Variants in EPN2 observed in about 807,000 individuals in gnomAD.
EPN2 encodes the protein epsin-2.
In EPN2, 34 loss-of-function variants were observed where a neutral mutation model predicts 61.7. The ratio of observed to expected loss-of-function variants is 0.55; its 90% CI spans 0.42 to 0.73. The LOEUF (loss-of-function observed/expected upper bound fraction) is 0.73. Among genes scored for constraint, EPN2 ranks in the 30% least tolerant of loss-of-function variants. The pLI is 0.00. For synonymous variants in EPN2, 349 were observed against 353.6 expected (o/e 0.99, Z 0.15); for missense variants, 714 against 839.2 (o/e 0.85, Z 1.84).
intron 4 of EPN2, among the ~76,000 whole-genome samples, chr17:19,305,121 T>C (rs973317377): frequency 1.3e-5 from 2 of 150,878 alleles, no homozygotes; most frequent in Non-Finnish European, 1.5e-5. Context: ...ACTTTGGTTT[T>C]TTTTTTTTTT....
chr17:19,240,631 T>C (rs1234829777), intron 1 of EPN2, among the ~76,000 whole-genome samples: 1 of 152,214 alleles, frequency 6.6e-6, no homozygotes, highest in Non-Finnish European at 1.5e-5. Context: ...TTTTAACTCA[T>C]GTATTCGGTG....
chr17:19,316,126 C>G (rs1200740020), intron 7 of EPN2, among the ~76,000 whole-genome samples: 1 of 152,216 alleles, frequency 6.6e-6, no homozygotes, highest in African/African-American at 2.4e-5. Flanking sequence ...CTTCGTTTAA[C>G]CATTCAGCAA....
chr17:19,334,911 C>CT lies in EPN2; in HGVS notation c.*664dup. The stretch of plus-strand genomic sequence containing the variant: ...TGAGTTTGCAGAATTATCTAATAGT[C>CT]TTTTTTTGGCTAATATTTTTATAAC... On this transcript the variant is annotated 3_prime_UTR_variant, in exon 11 of 11. Transcript: ENST00000314728. The surrounding 1 kb of genome is among the most constrained non-coding windows in gnomAD (Gnocchi z 4.9). 1 of 154,006 alleles carries CT rather than the reference C, an allele frequency of 6.5e-6. No homozygotes were observed. 9.5% of individuals were successfully genotyped at this position (154,006 alleles called of 1,614,324 possible).
At position 19,283,806 on chromosome 17, in the gene EPN2, C is replaced by T; in HGVS notation, c.595+92C>T. 8.5e-6 allele frequency: 8 copies of T among 935,738 alleles called. No homozygotes were observed. Among genetic ancestry groups the T allele is most frequent in the South Asian group, 1.7e-5 (1 of 57,844 alleles). 58.0% of individuals were successfully genotyped at this position (935,738 alleles called of 1,614,324 possible). ...GTCTCTGGGCTTAGGGAGTGGTGGC[C>T]ACTGCAGAGCTCGAACCTGTCCTCA... On this transcript the variant is annotated intron_variant, in intron 3 of 10. Transcript: ENST00000314728. The surrounding 1 kb of genome is among the most constrained non-coding windows in gnomAD (Gnocchi z 7.0).
At chr17:19,262,593 A>G (rs1214401824) in intron 1 of EPN2, among the ~76,000 whole-genome samples, 1 of 151,756 alleles carries the variant, frequency 6.6e-6, no homozygotes, top group Non-Finnish European at 1.5e-5. Flanking sequence ...ATTACCCCCA[A>G]AAGCAACCCT....
At chr17:19,295,749 C>A (rs1427050663) in intron 4 of EPN2, among the ~76,000 whole-genome samples, 1 of 152,116 alleles carries the variant, frequency 6.6e-6, no homozygotes, top group East Asian at 1.9e-4. Context: ...TTTAAATCTC[C>A]CAAAATGTCC....
At chr17:19,238,497 G>T (rs537706992) in intron 1 of EPN2, among the ~76,000 whole-genome samples, 1 of 152,294 alleles carries the variant, frequency 6.6e-6, no homozygotes, top group Admixed American at 6.5e-5. Flanking sequence ...CCGTCTGGGC[G>T]ACTCCTTCAC....
At chr17:19,286,389 A>C (rs1935192448) in intron 4 of EPN2, among the ~76,000 whole-genome samples, 1 of 152,170 alleles carries the variant, frequency 6.6e-6, no homozygotes. Flanking sequence ...GAAGATACCT[A>C]ATTCAATGGG....
At chr17:19,246,683 A>C (rs753249642) in intron 1 of EPN2, among the ~76,000 whole-genome samples, 19 of 148,024 alleles carry the variant, frequency 1.3e-4, no homozygotes, top group South Asian at 2.2e-4. Flanking sequence ...CGCCCCCCCC[A>C]AAAAAATATC....
intron 6 of EPN2, among the ~76,000 whole-genome samples, chr17:19,312,607 C>T (rs2152232388): frequency 6.6e-6 from 1 of 152,350 alleles, no homozygotes; most frequent in South Asian, 2.1e-4. Context: ...CCTTCTACAC[C>T]ACAGGCCCCG....
chr17:19,252,106 T>G (rs912129869), intron 1 of EPN2, among the ~76,000 whole-genome samples: 25 of 152,094 alleles, frequency 1.6e-4, no homozygotes, highest in Admixed American at 1.3e-3. Flanking sequence ...TTTGGAACAT[T>G]TTGGATTTTG....
At chr17:19,279,196 G>C (rs1012122358) in intron 1 of EPN2, among the ~76,000 whole-genome samples, 1 of 152,180 alleles carries the variant, frequency 6.6e-6, no homozygotes, top group African/African-American at 2.4e-5. Context: ...ATTGTTTGGA[G>C]TTCCTTTCCC....
chr17:19,311,535 C>G (rs1370733377), intron 5 of EPN2, among the ~76,000 whole-genome samples: 2 of 151,796 alleles, frequency 1.3e-5, no homozygotes, highest in Non-Finnish European at 2.9e-5. Flanking sequence ...TTAGGACAAC[C>G]CTGTCTTTTG....
At chr17:19,302,400 C>T (rs1189662508) in intron 4 of EPN2, among the ~76,000 whole-genome samples, 2 of 152,370 alleles carry the variant, frequency 1.3e-5, no homozygotes, top group African/African-American at 2.4e-5. Flanking sequence ...TTTATAGCCG[C>T]TCCCCATCAC....
chr17:19,246,341 G>A (rs1421987074), intron 1 of EPN2, among the ~76,000 whole-genome samples: 1 of 152,150 alleles, frequency 6.6e-6, no homozygotes, highest in Non-Finnish European at 1.5e-5. Flanking sequence ...TGGCGACAGA[G>A]CGAGACTGTC....
At chr17:19,278,017 TGAGCC>T (rs2045324782) in intron 1 of EPN2, among the ~76,000 whole-genome samples, 1 of 140,324 alleles carries the variant, frequency 7.1e-6, no homozygotes, top group Non-Finnish European at 1.5e-5. Context: ...GAGCTTGCAG[TGAGCC>T]GAGATCACAC....
At chr17:19,303,965 T>C (rs1377064098) in intron 4 of EPN2, 1 of 152,082 alleles carries the variant, frequency 6.6e-6, no homozygotes, top group Non-Finnish European at 1.5e-5. Flanking sequence ...TAGCTGGATG[T>C]GGTGGTGCGT....
chr17:19,274,001 A>T (rs557197248), intron 1 of EPN2: 1 of 152,144 alleles, frequency 6.6e-6, no homozygotes, highest in African/African-American at 2.4e-5. Context: ...GGTCTCAGCT[A>T]CCCCAACTGG....
At chr17:19,246,954 T>A (rs1469776636) in intron 1 of EPN2, among the ~76,000 whole-genome samples, 1 of 151,944 alleles carries the variant, frequency 6.6e-6, no homozygotes, top group Non-Finnish European at 1.5e-5. Context: ...GTATTTATGG[T>A]AGAGAGGGGG....
Sources: allele counts gnomAD v4.1 joint callset (sites outside exome capture counted in the v4.1 genomes callset), GRCh38; gene constraint gnomAD v4.1.1; non-coding constraint Gnocchi (gnomAD v3.1); transcripts MANE v1.5; gene names NCBI Gene and HGNC (gene_info 2026-07-23, HGNC 2026-07-21).